Variants in LRRTM4 observed in about 807,000 individuals in gnomAD.
LRRTM4 encodes the protein leucine rich repeat transmembrane neuronal 4, also known as leucine-rich repeat transmembrane neuronal protein 4.
LRRTM4 carries 25 observed loss-of-function variants against 47.6 expected under a neutral mutation model. That is an observed-to-expected ratio of 0.53 (90% CI 0.38 to 0.73). The LOEUF (loss-of-function observed/expected upper bound fraction) is 0.73, where lower values mean the gene tolerates loss of function less well. Among genes scored for constraint, LRRTM4 ranks in the 30% least tolerant of loss-of-function variants. LRRTM4 has a pLI of 0.00. For missense variants in LRRTM4, 638 were observed against 713.4 expected (o/e 0.89, Z 1.20); for synonymous variants, 311 against 269.5 (o/e 1.15, Z -1.51).
At chr2:77,418,259 A>G (rs1450896428) in intron 3 of LRRTM4, among the ~76,000 whole-genome samples, 1 of 152,206 alleles carries the variant, frequency 6.6e-6, no homozygotes, top group Non-Finnish European at 1.5e-5. Flanking sequence ...AGTGTTACAC[A>G]TAGTATTCCT....
Position 77,117,476 on chromosome 2 carries a change from G to T in LRRTM4, c.1552-368560C>A, listed in dbSNP as rs183741744. 9.8e-4 allele frequency among the ~76,000 whole-genome samples: 149 copies of T among 151,550 alleles called. No homozygotes were observed. In the South Asian group the frequency reaches 0.013, roughly 13 times the overall value. ...ATATCCAGTGATTATTTTACCCCCA[G>T]GTTAACATTTACTCAAGTGCCATCC... On this transcript the variant is annotated intron_variant, in intron 3 of 3. Transcript: ENST00000409884.
chr2:77,232,699 G>A (rs1051536284), intron 3 of LRRTM4, among the ~76,000 whole-genome samples: 1 of 152,144 alleles, frequency 6.6e-6, no homozygotes, highest in Non-Finnish European at 1.5e-5. Context: ...TTTATAAAGA[G>A]CACTATGAAC....
intron 3 of LRRTM4, among the ~76,000 whole-genome samples, chr2:76,797,533 G>A (rs144504112): frequency 0.048 from 7,287 of 151,766 alleles, 498 homozygotes; most frequent in African/African-American, 0.15. Context: ...AAAGACCATC[G>A]AGACTAGGAA....
chr2:77,088,570 G>T (rs551764342), intron 3 of LRRTM4, among the ~76,000 whole-genome samples: 4 of 151,600 alleles, frequency 2.6e-5, no homozygotes, highest in Admixed American at 1.3e-4. Flanking sequence ...ATCTCCATTC[G>T]CTGACTCTCT....
intron 3 of LRRTM4, among the ~76,000 whole-genome samples, chr2:76,815,663 C>G (rs938206812): frequency 3.6e-4 from 54 of 151,842 alleles, no homozygotes; most frequent in Admixed American, 3.5e-3. Context: ...AGTTTGAATC[C>G]CACAAAAATA....
intron 3 of LRRTM4, among the ~76,000 whole-genome samples, chr2:76,877,421 A>C (rs1201528632): frequency 6.6e-6 from 1 of 151,976 alleles, no homozygotes; most frequent in Non-Finnish European, 1.5e-5. Flanking sequence ...TTTATGAACA[A>C]TGGTTAATCA....
Position 76,970,772 on chromosome 2 carries a change from G to C in LRRTM4, c.1552-221856C>G, listed in dbSNP as rs144191031. On this transcript the variant is annotated intron_variant, in intron 3 of 3. Transcript: ENST00000409884. ...ACAAATGAAAATGCTGATTGGATTG[G>C]AAGGTGTTTCGTGACCAGTACGTTT... Among the ~76,000 whole-genome samples the C allele has an allele frequency of 2.8e-4, 42 of 152,142 alleles. No individual in the cohort carries two copies. In the East Asian group the frequency reaches 7.2e-3, roughly 26 times the overall value.
chr2:77,061,231 G>A (rs1679775379), intron 3 of LRRTM4, among the ~76,000 whole-genome samples: 1 of 151,898 alleles, frequency 6.6e-6, no homozygotes, highest in Non-Finnish European at 1.5e-5. Context: ...GTAAATAGTA[G>A]CACCAATTTT....
At chr2:77,170,782 TCTTA>T (rs1422470234) in intron 3 of LRRTM4, among the ~76,000 whole-genome samples, 4 of 89,836 alleles carry the variant, frequency 4.5e-5, no homozygotes, top group Non-Finnish European at 9.8e-5. Context: ...GGAATTTCTT[TCTTA>T]GTTTTTTCTA....
chr2:77,291,724 A>C (rs1193463367), intron 3 of LRRTM4, among the ~76,000 whole-genome samples: 1 of 152,110 alleles, frequency 6.6e-6, no homozygotes, highest in East Asian at 1.9e-4. Context: ...GATCTTAGAT[A>C]AACCTATTAT....
chr2:77,218,047 T>G lies in LRRTM4; in HGVS notation c.1551+300271A>C, dbSNP rs977490966. 1.3e-5 allele frequency among the ~76,000 whole-genome samples: 2 copies of G among 152,126 alleles called. 1 individual carries two copies. Among genetic ancestry groups the G allele is most frequent in the South Asian group, 4.1e-4 (2 of 4,828 alleles). On this transcript the variant is annotated intron_variant, in intron 3 of 3. Coordinates refer to ENST00000409884, the MANE Select transcript of LRRTM4 (RefSeq NM_001134745.3). ...TATTGCCCTATTGCCCAGGCTGGAG[T>G]GCAGTGGCATGGTCTCAGCTCACTA...
chr2:76,978,686 T>G (rs1006565188), intron 3 of LRRTM4, among the ~76,000 whole-genome samples: 2 of 152,050 alleles, frequency 1.3e-5, no homozygotes, highest in East Asian at 3.9e-4. Flanking sequence ...ACATTAAGAT[T>G]CAGACGTGCC....
At chr2:76,791,522 G>A (rs139826155) in intron 3 of LRRTM4, among the ~76,000 whole-genome samples, 1 of 152,290 alleles carries the variant, frequency 6.6e-6, no homozygotes, top group East Asian at 1.9e-4. Context: ...ATTTAGGAAA[G>A]AAATGGCACA....
intron 3 of LRRTM4, among the ~76,000 whole-genome samples, chr2:77,503,552 G>T (rs1391117890): frequency 2.0e-5 from 3 of 151,678 alleles, no homozygotes; most frequent in African/African-American, 7.2e-5. Flanking sequence ...TCAAGCAACA[G>T]AGAAATAACA....
At chr2:76,922,866 T>C (rs867273551) in intron 3 of LRRTM4, among the ~76,000 whole-genome samples, 1 of 152,228 alleles carries the variant, frequency 6.6e-6, no homozygotes, top group Non-Finnish European at 1.5e-5. Context: ...CAAGGCTAGA[T>C]TGATCTTCAT....
intron 3 of LRRTM4, among the ~76,000 whole-genome samples, chr2:76,765,706 G>A (rs951890477): frequency 2.0e-5 from 3 of 152,164 alleles, no homozygotes; most frequent in Non-Finnish European, 4.4e-5. Context: ...ATCACCTTAA[G>A]CTTGGACTTC....
At chr2:77,233,434 A>C (rs1013562060) in intron 3 of LRRTM4, among the ~76,000 whole-genome samples, 2 of 152,132 alleles carry the variant, frequency 1.3e-5, no homozygotes, top group African/African-American at 4.8e-5. Context: ...TTTCTCAGTT[A>C]ATTTTTTAAT....
chr2:76,776,662 T>A (rs1317094585), intron 3 of LRRTM4, among the ~76,000 whole-genome samples: 6 of 149,656 alleles, frequency 4.0e-5, no homozygotes, highest in Non-Finnish European at 9.0e-5. Flanking sequence ...ATATTAGCCC[T>A]TTGTCAGATG....
At chr2:77,418,665 G>A (rs1014420383) in intron 3 of LRRTM4, among the ~76,000 whole-genome samples, 1 of 152,102 alleles carries the variant, frequency 6.6e-6, no homozygotes, top group African/African-American at 2.4e-5. Context: ...CCAGCAACAC[G>A]ACTCCCTTGC....
Sources: gnomAD v4.1 joint callset for allele counts (sites outside exome capture counted in the v4.1 genomes callset) on GRCh38, gnomAD v4.1.1 for gene constraint, MANE v1.5 for transcripts, NCBI Gene and HGNC (gene_info 2026-07-23, HGNC 2026-07-21) for gene names.